The following THEMIS variants were observed in gnomAD, a reference collection of about 807,000 sequenced individuals.
THEMIS encodes thymocyte selection associated.
Under a neutral mutation model 52.6 loss-of-function variants are expected in THEMIS, and 37 were observed. That is an observed-to-expected ratio of 0.70 (90% CI 0.54 to 0.93). THEMIS has a LOEUF of 0.93. Among genes scored for constraint, THEMIS ranks in the 40% least tolerant of loss-of-function variants. The pLI is 0.00. For synonymous variants in THEMIS, 292 were observed against 272.7 expected, an observed-to-expected ratio of 1.07 and a Z score of -0.70; for missense variants, 808 against 763.1, an observed-to-expected ratio of 1.06 and a Z score of -0.69.
chr6:127,807,120 TG>T (rs1777739459), intron 4 of THEMIS: 1 of 160,130 alleles, frequency 6.2e-6, no homozygotes, highest in South Asian at 1.5e-4. Context: ...CCCAGCACTT[TG>T]GGAGGCCCAG....
At chr6:127,785,204 C>CTAT (rs1776897505) in intron 4 of THEMIS, among the ~76,000 whole-genome samples, 3 of 104,328 alleles carry the variant, frequency 2.9e-5, no homozygotes, top group Non-Finnish European at 4.5e-5. Context: ...ATCTACCTAC[C>CTAT]TACCTATTAT....
chr6:127,887,013 C>A (rs938551813), intron 1 of THEMIS, among the ~76,000 whole-genome samples: 3 of 151,730 alleles, frequency 2.0e-5, no homozygotes, highest in Non-Finnish European at 4.4e-5. Flanking sequence ...CCTACCTCCC[C>A]CCCCAAAAAA....
rs1778639556 is a variant in THEMIS at position 127,829,844 on chromosome 6, T to C, written c.341A>G (p.His114Arg). The change falls in exon 3 of 6, where the codon CAT (histidine) becomes CGT (arginine). Residue 114 changes from histidine to arginine, a missense_variant. His to Arg is a conservative substitution (Grantham distance 29). Coordinates refer to ENST00000368248, the MANE Select transcript of THEMIS (RefSeq NM_001010923.3). ...TIHIGPSRLGHPCFYHQKDIK... is the reference protein window; with the variant it reads ...TIHIGPSRLGRPCFYHQKDIK... ...ATCCTTCTGATGATAGAAGCAAGGATGCCCTAGTCTACTTGGTCCAATATG... is the reference window on the plus strand; with the variant it reads ...ATCCTTCTGATGATAGAAGCAAGGACGCCCTAGTCTACTTGGTCCAATATG... 6.2e-7 allele frequency: 1 copy of C among 1,614,032 alleles called. No individual in the cohort carries two copies. The highest frequency in any genetic ancestry group is 1.7e-5 in the Admixed American group (1 of 60,008).
At chr6:127,741,041 A>C (rs1454734924) in intron 4 of THEMIS, among the ~76,000 whole-genome samples, 1 of 152,226 alleles carries the variant, frequency 6.6e-6, no homozygotes, top group Non-Finnish European at 1.5e-5. Context: ...CATCTATTAG[A>C]ACCCAGTAAA....
chr6:127,727,951 C>A (rs1774609812), intron 4 of THEMIS, among the ~76,000 whole-genome samples: 1 of 152,078 alleles, frequency 6.6e-6, no homozygotes. Context: ...TTTTAAGGAG[C>A]ATTGTCTGGC....
chr6:127,895,640 A>T (rs1583405919), intron 1 of THEMIS, among the ~76,000 whole-genome samples: 1 of 151,630 alleles, frequency 6.6e-6, no homozygotes, highest in East Asian at 1.9e-4. Flanking sequence ...ATTATGTAGA[A>T]GATATTTTAT....
At chr6:127,736,746 A>T (rs1205212939) in intron 4 of THEMIS, among the ~76,000 whole-genome samples, 3 of 151,390 alleles carry the variant, frequency 2.0e-5, no homozygotes, top group African/African-American at 7.3e-5. Flanking sequence ...ATATTCTTCT[A>T]TCTCCTAATG....
chr6:127,877,146 G>T lies in THEMIS; in HGVS notation c.92-21958C>A, dbSNP rs1312808211. On this transcript the variant is annotated intron_variant, in intron 1 of 5. Coordinates refer to ENST00000368248, the MANE Select transcript of THEMIS (RefSeq NM_001010923.3). ...TTCAGAGAGTCATAATCTTTTTGCT[G>T]GTAGAGGGTCCTGCCTTGATGTTGA... 2.0e-5 allele frequency among the ~76,000 whole-genome samples: 3 copies of T among 152,156 alleles called. No individual in the cohort carries two copies. The South Asian group carries it at 6.2e-4, about 31-fold the overall frequency.
At chr6:127,795,575 G>T (rs59301673) in intron 4 of THEMIS, among the ~76,000 whole-genome samples, 2 of 152,080 alleles carry the variant, frequency 1.3e-5, no homozygotes, top group Non-Finnish European at 1.5e-5. Flanking sequence ...TGATCTGCCC[G>T]CCTCGGCCTC....
intron 1 of THEMIS, among the ~76,000 whole-genome samples, chr6:127,915,552 G>A (rs1291263821): frequency 6.7e-6 from 1 of 149,306 alleles, no homozygotes. Context: ...GGGCAGGAGG[G>A]GGCTAGGGGT....
At chr6:127,909,268 A>T (rs551467054) in intron 1 of THEMIS, among the ~76,000 whole-genome samples, 1 of 151,994 alleles carries the variant, frequency 6.6e-6, no homozygotes, top group Non-Finnish European at 1.5e-5. Flanking sequence ...TTACTCGGTG[A>T]TATGGTTTGA....
intron 4 of THEMIS, among the ~76,000 whole-genome samples, chr6:127,789,347 G>T (rs374090337): frequency 1.3e-5 from 2 of 152,088 alleles, no homozygotes; most frequent in South Asian, 2.1e-4. Flanking sequence ...TCCCTGAATA[G>T]ATCGATTACA....
intron 2 of THEMIS, among the ~76,000 whole-genome samples, chr6:127,850,238 T>A (rs1184193461): frequency 6.6e-6 from 1 of 150,732 alleles, no homozygotes; most frequent in African/African-American, 2.4e-5. Context: ...CAAAAAACAA[T>A]AGATGATAGA....
chr6:127,912,039 C>T (rs1781424660), intron 1 of THEMIS, among the ~76,000 whole-genome samples: 1 of 152,102 alleles, frequency 6.6e-6, no homozygotes, highest in Admixed American at 6.5e-5. Flanking sequence ...TGAAAGCAGC[C>T]AGAAGATGGG....
At chr6:127,849,018 G>A (rs919806756) in intron 2 of THEMIS, among the ~76,000 whole-genome samples, 2 of 152,094 alleles carry the variant, frequency 1.3e-5, no homozygotes, top group Non-Finnish European at 2.9e-5. Flanking sequence ...TGTCCTGAAT[G>A]ATATTGCCTA....
intron 4 of THEMIS, among the ~76,000 whole-genome samples, chr6:127,772,185 G>A (rs927058745): frequency 2.0e-5 from 3 of 151,638 alleles, no homozygotes; most frequent in African/African-American, 7.3e-5. Context: ...TTATTCTCAT[G>A]AATGCACATA....
chr6:127,877,523 G>A (rs1194731719), intron 1 of THEMIS, among the ~76,000 whole-genome samples: 2 of 152,048 alleles, frequency 1.3e-5, no homozygotes, highest in African/African-American at 4.8e-5. Context: ...GCCTAATTTC[G>A]ATATTGTTGT....
At chr6:127,849,598 C>G (rs1289383529) in intron 2 of THEMIS, among the ~76,000 whole-genome samples, 4 of 151,906 alleles carry the variant, frequency 2.6e-5, no homozygotes, top group Non-Finnish European at 5.9e-5. Flanking sequence ...CACATACTTA[C>G]AGTCAGGTGA....
downstream of THEMIS, among the ~76,000 whole-genome samples, chr6:127,707,661 C>T (rs756125096): frequency 5.9e-5 from 9 of 152,056 alleles, no homozygotes; most frequent in South Asian, 4.2e-4. Flanking sequence ...TCCAGCCTAC[C>T]GGGGTTATAA....
Sources: allele counts gnomAD v4.1 joint callset (sites outside exome capture counted in the v4.1 genomes callset), GRCh38; gene constraint gnomAD v4.1.1; transcripts MANE v1.5; gene names NCBI Gene and HGNC (gene_info 2026-07-23, HGNC 2026-07-21).